The following PRKACB variants were observed in gnomAD, a reference collection of about 807,000 sequenced individuals.
PRKACB encodes protein kinase cAMP-activated catalytic subunit beta.
PRKACB carries 16 observed loss-of-function variants against 51.4 expected under a neutral mutation model. The observed-to-expected ratio is 0.31, with a 90% CI of 0.21 to 0.47. PRKACB has a LOEUF of 0.47. Among genes scored for constraint, PRKACB ranks in the 20% least tolerant of loss-of-function variants. PRKACB has a pLI of 1.00. For missense variants in PRKACB, 309 were observed against 464.5 expected (o/e 0.67, Z 3.08); for synonymous variants, 147 against 154.4 (o/e 0.95, Z 0.35).
intron 9 of PRKACB, among the ~76,000 whole-genome samples, chr1:84,230,079 G>A (rs1411048019): frequency 6.6e-6 from 1 of 152,046 alleles, no homozygotes; most frequent in South Asian, 2.1e-4. Flanking sequence ...TAACGTTTAA[G>A]TCTTTAACCC....
intron 1 of PRKACB, among the ~76,000 whole-genome samples, chr1:84,082,074 A>T (rs2100739291): frequency 6.6e-6 from 1 of 152,228 alleles, no homozygotes; most frequent in East Asian, 1.9e-4. Context: ...ACTTTTACTT[A>T]CTCTTTTAAA....
intron 2 of PRKACB, among the ~76,000 whole-genome samples, chr1:84,179,942 C>A (rs1405640318): frequency 1.3e-5 from 2 of 149,714 alleles, no homozygotes; most frequent in African/African-American, 4.9e-5. Context: ...CTATCCCTCC[C>A]CTAGCCCCCC....
intron 1 of PRKACB, among the ~76,000 whole-genome samples, chr1:84,129,080 G>A (rs1422232867): frequency 6.6e-6 from 1 of 152,112 alleles, no homozygotes; most frequent in Non-Finnish European, 1.5e-5. Flanking sequence ...ACCTTTCAAT[G>A]TACAGCATAT....
intron 1 of PRKACB, among the ~76,000 whole-genome samples, chr1:84,158,766 CA>C (rs1234443180): frequency 1.3e-5 from 2 of 152,066 alleles, no homozygotes; most frequent in Admixed American, 6.6e-5. Flanking sequence ...TGAAGATTTT[CA>C]ATCTGTACTT....
intron 9 of PRKACB, among the ~76,000 whole-genome samples, chr1:84,231,860 T>G (rs2101701687): frequency 6.6e-6 from 1 of 152,068 alleles, no homozygotes; most frequent in African/African-American, 2.4e-5. Context: ...GTTGATCCTT[T>G]CAAAAAACCA....
At position 84,117,121 on chromosome 1, in the gene PRKACB, A is replaced by G. The variant is rs576809101; in HGVS notation, c.46+38750A>G. On this transcript the variant is annotated intron_variant, in intron 1 of 8. Transcript: ENST00000370688. ...TGGTGCATCCCATTTATTGATTTGC[A>G]TATGTTGAACCATTCTTGCATTCCC... Among the ~76,000 whole-genome samples the G allele has an allele frequency of 2.0e-5, 3 of 151,780 alleles. No homozygotes were observed. In the South Asian group the frequency reaches 6.2e-4, roughly 32 times the overall value.
intron 1 of PRKACB, among the ~76,000 whole-genome samples, chr1:84,130,942 A>G (rs1652121871): frequency 6.6e-6 from 1 of 152,242 alleles, no homozygotes. Context: ...TAAAAAGTTA[A>G]CAATATTGTC....
At chr1:84,216,908 T>C (rs1256634302) in intron 9 of PRKACB, among the ~76,000 whole-genome samples, 3 of 152,236 alleles carry the variant, frequency 2.0e-5, no homozygotes, top group African/African-American at 4.8e-5. Context: ...ATAAATTGTT[T>C]CACAAGATTT....
chr1:84,162,705 T>C (rs1656359981), intron 1 of PRKACB, among the ~76,000 whole-genome samples: 1 of 152,070 alleles, frequency 6.6e-6, no homozygotes, highest in African/African-American at 2.4e-5. Context: ...CTTTAGGTAT[T>C]TAACACAATT....
chr1:84,194,015 T>G (rs1445993616), intron 5 of PRKACB, among the ~76,000 whole-genome samples: 1 of 152,150 alleles, frequency 6.6e-6, no homozygotes, highest in Non-Finnish European at 1.5e-5. Context: ...TGACTTACTA[T>G]GCACAGGGCA....
At chr1:84,225,026 A>G (rs552022507) in intron 9 of PRKACB, among the ~76,000 whole-genome samples, 2 of 152,090 alleles carry the variant, frequency 1.3e-5, no homozygotes, top group African/African-American at 4.8e-5. Flanking sequence ...CCAGAGTGAT[A>G]GACAGAGGGG....
At chr1:84,125,905 T>A (rs977116189) in intron 1 of PRKACB, among the ~76,000 whole-genome samples, 1 of 152,154 alleles carries the variant, frequency 6.6e-6, no homozygotes, top group African/African-American at 2.4e-5. Context: ...AATGGGATAG[T>A]TCCCTTGACC....
intron 1 of PRKACB, among the ~76,000 whole-genome samples, chr1:84,135,722 A>G (rs1652734423): frequency 6.6e-6 from 1 of 152,128 alleles, no homozygotes; most frequent in Non-Finnish European, 1.5e-5. Context: ...AATGATAATC[A>G]GAGTACAGTT....
At chr1:84,202,858 C>A in intron 8 of PRKACB, 53 bp downstream of exon 8, 1 of 1,434,766 alleles carries the variant, frequency 7.0e-7, no homozygotes. Context: ...GAATTTTAAG[C>A]TTCATGAATT....
At chr1:84,155,280 A>G (rs115283953) in intron 1 of PRKACB, among the ~76,000 whole-genome samples, 100 of 152,336 alleles carry the variant, frequency 6.6e-4, no homozygotes, top group African/African-American at 2.2e-3. Flanking sequence ...TCTTTTTACA[A>G]TATCACAAAA....
chr1:84,168,334 T>C (rs1273253985), intron 1 of PRKACB, among the ~76,000 whole-genome samples: 1 of 151,600 alleles, frequency 6.6e-6, no homozygotes, highest in East Asian at 1.9e-4. Context: ...TCTCTGATGC[T>C]TGTGCAAAAT....
At chr1:84,172,629 ATTAT>A (rs997468008) in intron 1 of PRKACB, among the ~76,000 whole-genome samples, 10 of 151,702 alleles carry the variant, frequency 6.6e-5, no homozygotes, top group African/African-American at 2.2e-4. Flanking sequence ...TTCTAGAATG[ATTAT>A]TTAAATATAT....
chr1:84,148,071 A>T (rs1287844114), intron 1 of PRKACB, among the ~76,000 whole-genome samples: 2 of 152,146 alleles, frequency 1.3e-5, no homozygotes, highest in Non-Finnish European at 2.9e-5. Context: ...CTGGGCATTT[A>T]ATTAGAACTA....
intron 5 of PRKACB, among the ~76,000 whole-genome samples, chr1:84,186,215 G>T (rs1298471786): frequency 3.0e-4 from 7 of 23,568 alleles, no homozygotes; most frequent in Non-Finnish European, 3.7e-4. Context: ...TAATTTTTTT[G>T]TTTGTTTTTG....
Sources: allele counts gnomAD v4.1 joint callset (sites outside exome capture counted in the v4.1 genomes callset), GRCh38; gene constraint gnomAD v4.1.1; transcripts MANE v1.5; gene names NCBI Gene and HGNC (gene_info 2026-07-23, HGNC 2026-07-21).